The following POLE2 variants were observed in gnomAD, a reference collection of about 807,000 sequenced individuals.
POLE2 encodes the protein DNA polymerase epsilon subunit 2.
In POLE2, 56 loss-of-function variants were observed where a neutral mutation model predicts 79.4. The observed-to-expected ratio is 0.71, with a 90% CI of 0.57 to 0.88. POLE2 has a LOEUF of 0.88. POLE2 is among the 40% of genes least tolerant of loss of function. POLE2 has a pLI of 0.00. For synonymous variants in POLE2, 212 were observed against 214.0 expected (o/e 0.99, Z 0.08); for missense variants, 598 against 638.9 (o/e 0.94, Z 0.69).
intron 15 of POLE2, among the ~76,000 whole-genome samples, chr14:49,652,155 G>T (rs1884295243): frequency 1.3e-5 from 1 of 77,840 alleles, no homozygotes; most frequent in Non-Finnish European, 2.9e-5. Flanking sequence ...ACTGCGTTAA[G>T]AATAGAATAC....
rs141607606 is a variant in POLE2 at position 49,660,052 on chromosome 14, A to G, written c.755+3263T>C. ...CACTCAGAGCAACTTCCAGCCCTGC[A>G]AGTTCCATTCATGATAAGTGTTCCA... is the stretch of plus-strand genomic sequence containing the variant. On this transcript the variant is annotated intron_variant, in intron 10 of 18. Transcript: ENST00000216367. Among the ~76,000 whole-genome samples, 67 of 152,314 alleles carry G rather than the reference A, an allele frequency of 4.4e-4. No individual in the cohort carries two copies. In the East Asian group the frequency reaches 0.012, roughly 27 times the overall value.
intron 10 of POLE2, among the ~76,000 whole-genome samples, chr14:49,659,408 T>G (rs1884941953): frequency 6.6e-6 from 1 of 151,978 alleles, no homozygotes; most frequent in Admixed American, 6.6e-5. Context: ...TATCAGTAAA[T>G]CAATTAATCA....
At chr14:49,678,692 T>C (rs1886485409) in intron 3 of POLE2, among the ~76,000 whole-genome samples, 1 of 152,178 alleles carries the variant, frequency 6.6e-6, no homozygotes, top group African/African-American at 2.4e-5. Context: ...AGTCTCACTC[T>C]GTCGCCCAGA....
At chr14:49,666,502 C>A in intron 6 of POLE2, 89 bp from the exon 7 acceptor site, 2 of 479,422 alleles carry the variant, frequency 4.2e-6, no homozygotes, top group Non-Finnish European at 7.2e-6. Context: ...TTGGGGTATA[C>A]ATTTCAGCAT....
At chr14:49,666,444 T>C (rs775454083) in intron 6 of POLE2, 31 bp from the exon 7 acceptor site, 4 of 955,790 alleles carry the variant, frequency 4.2e-6, no homozygotes, top group Non-Finnish European at 6.1e-6. Flanking sequence ...TTTTAAAGAC[T>C]GTAAATATAT....
At chr14:49,682,177 G>A (rs1886761791) in intron 2 of POLE2, among the ~76,000 whole-genome samples, 1 of 148,880 alleles carries the variant, frequency 6.7e-6, no homozygotes, top group African/African-American at 2.5e-5. Context: ...GCTAATTTTT[G>A]TATATTTAGT....
chr14:49,650,340 C>T lies in POLE2; in HGVS notation c.1422G>A (p.Val474=). 6.2e-7 allele frequency: 1 copy of T among 1,611,304 alleles called. No individual in the cohort carries two copies. Among genetic ancestry groups the T allele is most frequent in the Non-Finnish European group, 8.5e-7 (1 of 1,178,418 alleles). Reference sequence around the variant, plus strand: ...TGTCTGCAATGACAAGTAGATCGGGCACAGGATACACTCTCAAAGCATAGT... The same window carrying T: ...TGTCTGCAATGACAAGTAGATCGGGTACAGGATACACTCTCAAAGCATAGT... ...AYDYALRVYP[V]PDLLVIADKY... Residue 474 remains valine (V), a synonymous_variant, in exon 17 of 19, where the codon GTG becomes GTA. Transcript: ENST00000216367.
chr14:49,644,157 G>C (rs954945944), intron 18 of POLE2, among the ~76,000 whole-genome samples: 9 of 150,338 alleles, frequency 6.0e-5, no homozygotes, highest in Admixed American at 6.0e-4. Flanking sequence ...GCTAGGATTA[G>C]AGGCATGAGC....
At chr14:49,682,640 G>GAA (rs35984833) in intron 2 of POLE2, among the ~76,000 whole-genome samples, 15 of 60,960 alleles carry the variant, frequency 2.5e-4, no homozygotes, top group Non-Finnish European at 3.6e-4. Flanking sequence ...CCTTCTCAGG[G>GAA]AAAAAAAAAA....
In POLE2 at chr14:49,663,359, G is replaced by A. The variant is rs1293488624; in HGVS notation, c.711C>T (p.Val237=). Residue 237 remains valine (V), a synonymous_variant, in exon 10 of 19, where the codon GTC becomes GTT. Coordinates refer to ENST00000216367, the MANE Select transcript of POLE2 (RefSeq NM_002692.4). ...EGWFEDQVFH[V]NAFGFPPTEP... is the part of the protein sequence containing the mutation. ...CAGTGGGTGGAAATCCAAAGGCATT[G>A]ACATGAAACACTTGATCTTCAAACC... 6 of 1,610,176 alleles carry A rather than the reference G, an allele frequency of 3.7e-6. No homozygotes were observed. The highest frequency in any genetic ancestry group is 1.7e-4 in the Middle Eastern group (1 of 6,048).
In POLE2 at chr14:49,644,379, G is replaced by A. The variant is rs45470099; in HGVS notation, c.1566-709C>T. Among the ~76,000 whole-genome samples the A allele has an allele frequency of 7.8e-3, 1,184 of 151,224 alleles. 16 individuals are homozygous for A. The highest frequency in any genetic ancestry group is 0.027 in the African/African-American group (1,125 of 41,344). On this transcript the variant is annotated intron_variant, in intron 18 of 18. Transcript: ENST00000216367. ...TAAAAAATTAGCCAGGTATGGTGACGCATGCCTGTAATCCCAGCTACTCGG... is the reference window on the plus strand; with the variant it reads ...TAAAAAATTAGCCAGGTATGGTGACACATGCCTGTAATCCCAGCTACTCGG...
chr14:49,677,107 G>C (rs1291311581), intron 3 of POLE2, among the ~76,000 whole-genome samples: 2 of 152,206 alleles, frequency 1.3e-5, no homozygotes, highest in Admixed American at 6.5e-5. Flanking sequence ...TTACAGGATG[G>C]ACACTTCTAC....
Position 49,674,103 on chromosome 14 carries a change from C to A in POLE2, c.417+20G>T. The A allele has an allele frequency of 7.2e-7, 1 of 1,386,982 alleles. No homozygotes were observed. Among genetic ancestry groups the A allele is most frequent in the Non-Finnish European group, 1.0e-6 (1 of 972,938 alleles). The allele number at this position is 1,386,982 out of a possible 1,614,324, so 85.9% of individuals were successfully genotyped here. On this transcript the variant is annotated intron_variant, in intron 5 of 18. Coordinates refer to ENST00000216367, the MANE Select transcript of POLE2 (RefSeq NM_002692.4). Reference sequence around the variant, plus strand: ...CTCATTTTACCCAGTATCCTCCCCTCCGCCCCCTACCAAACTTACCTGGTG... The same window carrying A: ...CTCATTTTACCCAGTATCCTCCCCTACGCCCCCTACCAAACTTACCTGGTG...
At chr14:49,668,759 A>G (rs563491451) in intron 6 of POLE2, among the ~76,000 whole-genome samples, 20 of 152,262 alleles carry the variant, frequency 1.3e-4, no homozygotes, top group African/African-American at 4.8e-4. Flanking sequence ...AGGGAAATAT[A>G]AGTAATGTCA....
intron 5 of POLE2, among the ~76,000 whole-genome samples, chr14:49,672,065 G>A (rs902839304): frequency 1.8e-4 from 28 of 152,228 alleles, no homozygotes; most frequent in African/African-American, 6.8e-4. Flanking sequence ...TTTCAACAGT[G>A]GAGATAAGAG....
chr14:49,674,555 A>C lies in POLE2; in HGVS notation c.246-128T>G, dbSNP rs546300123. On this transcript the variant is annotated intron_variant, in intron 3 of 18. Transcript: ENST00000216367. ...CACATTTTCTCAGGCCAGGCACACA[A>C]TTTCTTTTTCTTTTTCTTTTTCTTT... 53 of 650,796 alleles carry C rather than the reference A, an allele frequency of 8.1e-5. 1 individual carries two copies. In the South Asian group the frequency reaches 8.3e-4, roughly 10 times the overall value. 40.3% of individuals were successfully genotyped at this position (650,796 alleles called of 1,614,324 possible).
chr14:49,674,441 C>A lies in POLE2; in HGVS notation c.246-14G>T. 6.5e-7 allele frequency: 1 copy of A among 1,528,044 alleles called. No individual in the cohort carries two copies. Among genetic ancestry groups the A allele is most frequent in the Non-Finnish European group, 9.1e-7 (1 of 1,104,680 alleles). 94.7% of individuals were successfully genotyped at this position (1,528,044 alleles called of 1,614,324 possible). A position where few individuals can be genotyped will look rare whatever the true frequency, so the allele number is the denominator to read the frequency against. ...AAAACGTGCTCTCTGAAAAACATCC[C>A]ACAAAATACAGACCTGATTTACTAA... On this transcript the variant is annotated splice_polypyrimidine_tract_variant and intron_variant, in intron 3 of 18. Transcript: ENST00000216367.
chr14:49,650,128 A>G (rs1884099414), intron 17 of POLE2, 137 bp downstream of exon 17: 2 of 471,418 alleles, frequency 4.2e-6, no homozygotes, highest in Non-Finnish European at 6.8e-6. Context: ...CTTTCTGTGT[A>G]TAGAAACTTA....
At chr14:49,687,300 C>CCACA (rs60811856) in intron 1 of POLE2, among the ~76,000 whole-genome samples, 5,001 of 139,780 alleles carry the variant, frequency 0.036, 111 homozygotes, top group Non-Finnish European at 0.042. Context: ...TACACACACA[C>CCACA]CACACACACA....
Sources: gnomAD v4.1 joint callset for allele counts (sites outside exome capture counted in the v4.1 genomes callset) on GRCh38, gnomAD v4.1.1 for gene constraint, MANE v1.5 for transcripts, NCBI Gene and HGNC (gene_info 2026-07-23, HGNC 2026-07-21) for gene names.